SOS1: variants seen among roughly 807,000 people sequenced by gnomAD.
SOS1 encodes son of sevenless homolog 1.
In SOS1, 25 loss-of-function variants were observed where a neutral mutation model predicts 157.6. That is an observed-to-expected ratio of 0.16 (90% CI 0.12 to 0.22). The LOEUF (loss-of-function observed/expected upper bound fraction) is 0.22, where lower values mean the gene tolerates loss of function less well. SOS1 is among the 10% of genes least tolerant of loss of function. The pLI is 1.00. For synonymous variants in SOS1, 528 were observed against 534.0 expected, an observed-to-expected ratio of 0.99 and a Z score of 0.16; for missense variants, 1,237 against 1,599.1, an observed-to-expected ratio of 0.77 and a Z score of 3.86.
chr2:39,098,562 T>C (rs1672854930), intron 1 of SOS1: 1 of 152,506 alleles, frequency 6.6e-6, no homozygotes, highest in Non-Finnish European at 1.5e-5. Flanking sequence ...TACTTGCGAT[T>C]CATATATTTG....
chr2:39,042,305 C>T (rs6729359), intron 6 of SOS1, among the ~76,000 whole-genome samples: 5,349 of 152,202 alleles, frequency 0.035, 295 homozygotes, highest in African/African-American at 0.11. Context: ...ATCTGGGGGA[C>T]AACTGGTATC....
At chr2:39,102,343 TGA>T (rs1673001210) in intron 1 of SOS1, among the ~76,000 whole-genome samples, 1 of 145,708 alleles carries the variant, frequency 6.9e-6, no homozygotes, top group Non-Finnish European at 1.5e-5. Context: ...GGCAACATAA[TGA>T]GAGTTCATCT....
intron 2 of SOS1, among the ~76,000 whole-genome samples, chr2:39,066,779 C>A (rs1045185864): frequency 6.6e-6 from 1 of 152,136 alleles, no homozygotes; most frequent in Non-Finnish European, 1.5e-5. Context: ...ATTCACTTAC[C>A]ACCTAAAATA....
Position 38,986,251 on chromosome 2 carries a change from T to A in SOS1, c.3575A>T (p.Tyr1192Phe). Reference sequence around the variant, plus strand: ...GTCTGATATTGAATATCGTGGTGAATAGGCTTTTGATGTGGGTTGCCTAGG... The same window carrying A: ...GTCTGATATTGAATATCGTGGTGAAAAGGCTTTTGATGTGGGTTGCCTAGG... ...IPPRQPTSKA[Y>F]SPRYSISDRT... Residue 1192 changes from tyrosine to phenylalanine, a missense_variant, in exon 23 of 23, where the codon TAT becomes TTT. Around this residue, in one of 15 missense-constraint regions of SOS1, gnomAD observed 306 missense variants for 322.6 expected, o/e 0.95. Coordinates refer to ENST00000402219, the MANE Select transcript of SOS1 (RefSeq NM_005633.4). The A allele has an allele frequency of 1.2e-6, 2 of 1,613,786 alleles. No individual in the cohort carries two copies. Among genetic ancestry groups the A allele is most frequent in the African/African-American group, 2.7e-5 (2 of 74,976 alleles).
intron 2 of SOS1, among the ~76,000 whole-genome samples, chr2:39,059,267 T>C (rs1302102937): frequency 6.6e-6 from 1 of 152,170 alleles, no homozygotes; most frequent in Non-Finnish European, 1.5e-5. Flanking sequence ...TTCAAAACTA[T>C]TTACAAATCA....
intron 10 of SOS1, among the ~76,000 whole-genome samples, chr2:39,018,390 A>G (rs992907869): frequency 2.0e-5 from 3 of 151,770 alleles, no homozygotes; most frequent in Non-Finnish European, 4.4e-5. Flanking sequence ...GGTTTCCACC[A>G]TGTTCACTAG....
At chr2:39,099,995 G>A (rs1460888736) in intron 1 of SOS1, among the ~76,000 whole-genome samples, 1 of 152,196 alleles carries the variant, frequency 6.6e-6, no homozygotes, top group Non-Finnish European at 1.5e-5. Flanking sequence ...GGGATTACAG[G>A]CATGAGCCAC....
At chr2:39,043,468 A>G (rs535284516) in intron 6 of SOS1, among the ~76,000 whole-genome samples, 3 of 152,286 alleles carry the variant, frequency 2.0e-5, no homozygotes, top group Non-Finnish European at 2.9e-5. Flanking sequence ...TCATGTCTCT[A>G]TTCATTGTAA....
chr2:38,991,746 A>G (rs10183915), intron 20 of SOS1, among the ~76,000 whole-genome samples: 1 of 152,182 alleles, frequency 6.6e-6, no homozygotes, highest in South Asian at 2.1e-4. Context: ...CTTTACCACT[A>G]TTTTTAGCGT....
intron 1 of SOS1, among the ~76,000 whole-genome samples, chr2:39,070,266 A>C (rs1006194789): frequency 6.6e-6 from 1 of 152,220 alleles, no homozygotes; most frequent in African/African-American, 2.4e-5. Context: ...TTAATGAACA[A>C]GATCTTCATT....
chr2:39,070,893 C>T (rs1671770897), intron 1 of SOS1, among the ~76,000 whole-genome samples: 1 of 152,134 alleles, frequency 6.6e-6, no homozygotes, highest in South Asian at 2.1e-4. Context: ...GATGGAGTCT[C>T]GCTCTGTCAC....
chr2:39,071,564 A>T (rs963100503), intron 1 of SOS1, among the ~76,000 whole-genome samples: 3 of 152,226 alleles, frequency 2.0e-5, no homozygotes, highest in Non-Finnish European at 4.4e-5. Flanking sequence ...ATGTTAGAGA[A>T]GATAATAAAT....
chr2:39,024,227 T>G, intron 8 of SOS1, 90 bp from the exon 9 acceptor site: 5 of 945,304 alleles, frequency 5.3e-6, no homozygotes, highest in Non-Finnish European at 7.6e-6. Context: ...TAACATTTAT[T>G]CAACTGTCAC....
chr2:39,081,473 T>A (rs777358314), intron 1 of SOS1, among the ~76,000 whole-genome samples: 1 of 151,580 alleles, frequency 6.6e-6, no homozygotes, highest in Non-Finnish European at 1.5e-5. Flanking sequence ...TGAGCCGAGA[T>A]CGCGCCACTG....
At chr2:39,001,320 C>A (rs1000140410) in intron 17 of SOS1, among the ~76,000 whole-genome samples, 3 of 152,230 alleles carry the variant, frequency 2.0e-5, no homozygotes, top group Non-Finnish European at 2.9e-5. Context: ...ACCTCAACCT[C>A]TCAAAGTGCT....
At chr2:39,049,578 T>G (rs2124593770) in intron 6 of SOS1, among the ~76,000 whole-genome samples, 1 of 152,350 alleles carries the variant, frequency 6.6e-6, no homozygotes, top group Non-Finnish European at 1.5e-5. Context: ...TTGTAATTGT[T>G]GATTTTATTA....
chr2:38,986,821 T>C (rs1668574405), intron 22 of SOS1, among the ~76,000 whole-genome samples: 1 of 152,162 alleles, frequency 6.6e-6, no homozygotes, highest in South Asian at 2.1e-4. Flanking sequence ...ATTTCTAATT[T>C]AGCATAAAGT....
intron 1 of SOS1, among the ~76,000 whole-genome samples, chr2:39,105,469 T>C (rs1290033374): frequency 6.6e-6 from 1 of 152,164 alleles, no homozygotes. Flanking sequence ...TTGGGCTGCT[T>C]AACTCATATG....
intron 5 of SOS1, among the ~76,000 whole-genome samples, chr2:39,052,453 C>A (rs1558490048): frequency 6.6e-6 from 1 of 152,106 alleles, no homozygotes. Context: ...TCTTTGTCCC[C>A]CATTTCCATC....
Sources: allele counts gnomAD v4.1 joint callset (sites outside exome capture counted in the v4.1 genomes callset), GRCh38; gene constraint gnomAD v4.1.1; regional missense constraint gnomAD v4.1.1; transcripts MANE v1.5; gene names NCBI Gene and HGNC (gene_info 2026-07-23, HGNC 2026-07-21).